Variants in CFAP65 observed in about 807,000 individuals in gnomAD.
CFAP65 encodes cilia and flagella associated protein 65.
A neutral mutation model predicts 208.0 loss-of-function variants in CFAP65; 155 were observed. That is an observed-to-expected ratio of 0.75 (90% confidence interval 0.65 to 0.85). CFAP65 has a LOEUF of 0.85. CFAP65 is among the 40% of genes least tolerant of loss of function. The probability of loss-of-function intolerance (pLI) is 0.00; values close to 1 mark genes in which losing one functional copy is unlikely to be tolerated. For missense variants in CFAP65, 2,294 were observed against 2,451.3 expected, an observed-to-expected ratio of 0.94 and a Z score of 1.36; for synonymous variants, 970 against 986.3, an observed-to-expected ratio of 0.98 and a Z score of 0.31.
Position 219,024,243 on chromosome 2 carries a change from G to A in CFAP65, c.2367C>T (p.Ser789=), listed in dbSNP as rs1462896687. The A allele has an allele frequency of 6.2e-7, 1 of 1,612,860 alleles. No individual in the cohort carries two copies. Among genetic ancestry groups the A allele is most frequent in the African/African-American group, 1.3e-5 (1 of 75,040 alleles). The change falls in exon 15 of 35, where the codon TCC becomes TCT. Residue 789 remains serine (S), a synonymous_variant. Transcript: ENST00000341552. ...LDVPKLFPAV[S]SGEPTYRSLL... is the part of the protein sequence containing the mutation. ...GGCTGCGGTAGGTGGGCTCACCGGA[G>A]GACACTGCTGGAAATAGCTGGGGGT...
At chr2:219,036,729 C>G (rs1366761304) in intron 4 of CFAP65, among the ~76,000 whole-genome samples, 1 of 152,206 alleles carries the variant, frequency 6.6e-6, no homozygotes, top group Non-Finnish European at 1.5e-5. Flanking sequence ...CAGGTGTGAG[C>G]CATCATGCCC....
Position 219,031,532 on chromosome 2 carries a change from C to A in CFAP65, c.772G>T (p.Val258Leu). 2 of 1,614,258 alleles carry A rather than the reference C, an allele frequency of 1.2e-6. No homozygotes were observed. Among genetic ancestry groups the A allele is most frequent in the Non-Finnish European group, 1.7e-6 (2 of 1,180,040 alleles). ...PPSLQLPMCA[V>L]GDTTEAFFCL... is the part of the protein sequence containing the mutation. ...AAAAAGGCCTCAGTCGTATCTCCCA[C>A]AGCACACATGGGCAGCTGCAGGGAT... Residue 258 changes from valine to leucine, a missense_variant, in exon 7 of 35, where the codon GTG becomes TTG. Physicochemically the swap from Val to Leu is conservative, Grantham distance 32. This residue lies in a region of CFAP65 where 867 missense variants were observed against 1,012.6 expected (regional missense o/e 0.86). Coordinates refer to ENST00000341552, the MANE Select transcript of CFAP65 (RefSeq NM_194302.4). The surrounding 1 kb of genome is among the most constrained non-coding windows in gnomAD (Gnocchi z 5.2).
In CFAP65 at chr2:219,009,185, A is replaced by G. The variant is rs754266884; in HGVS notation, c.4567-31T>C. The G allele has an allele frequency of 9.4e-6, 15 of 1,597,450 alleles. No individual in the cohort carries two copies. The South Asian group carries it at 1.5e-4, about 16-fold the overall frequency. On this transcript the variant is annotated intron_variant, in intron 28 of 34. Transcript: ENST00000341552. ...GCCCAGGACAGAGAGAGAGAAGGCC[A>G]AGGTCTGGAGCTTGCCCGGGGCCTA...
chr2:219,039,148 T>G, intron 2 of CFAP65, 98 bp from the exon 3 acceptor site: 5 of 999,574 alleles, frequency 5.0e-6, no homozygotes, highest in Non-Finnish European at 7.4e-6. Context: ...ATGTGGCACA[T>G]ATATTTGTAT....
chr2:219,034,459 C>T (rs1405513119), intron 5 of CFAP65: 2 of 151,924 alleles, frequency 1.3e-5, no homozygotes, highest in African/African-American at 4.8e-5. Context: ...TCTTAATGAC[C>T]TAGGGGTAGA....
At chr2:219,018,870 G>A (rs970937269) in intron 21 of CFAP65, 181 bp downstream of exon 21, 23 of 753,438 alleles carry the variant, frequency 3.1e-5, no homozygotes, top group Non-Finnish European at 4.5e-5. Context: ...CCGGTGACAG[G>A]CCCGGAGTCC....
At chr2:219,030,487 C>T (rs991277003) in intron 9 of CFAP65, among the ~76,000 whole-genome samples, 6 of 152,332 alleles carry the variant, frequency 3.9e-5, no homozygotes, top group East Asian at 1.9e-4. Context: ...TAGGGCTGCT[C>T]GTGGCTCTGG....
At position 219,031,142 on chromosome 2, in the gene CFAP65, T is replaced by C. The variant is rs1158805297; in HGVS notation, c.979A>G (p.Ser327Gly). 6.2e-7 allele frequency: 1 copy of C among 1,603,362 alleles called. No homozygotes were observed. The highest frequency in any genetic ancestry group is 1.7e-5 in the Admixed American group (1 of 58,366). ...VQATCWYGAG[S>G]RQRSSIQLQA... ...AGCTGGATGCTGCTCCTCTGCCGGC[T>C]GCCCGCCCCGTACCAGCACGTGGCC... Residue 327 changes from serine to glycine, a missense_variant, in exon 8 of 35, where the codon AGC (serine) becomes GGC (glycine). Physicochemically the swap from Ser to Gly is moderately conservative, Grantham distance 56. Coordinates refer to ENST00000341552, the MANE Select transcript of CFAP65 (RefSeq NM_194302.4). The surrounding 1 kb of genome is among the most constrained non-coding windows in gnomAD (Gnocchi z 5.2).
rs1948146114 is a variant in CFAP65 at position 219,032,984 on chromosome 2, C to A, written c.543-412G>T. Among the ~76,000 whole-genome samples the A allele has an allele frequency of 6.6e-6, 1 of 152,140 alleles. No homozygotes were observed. The highest frequency in any genetic ancestry group is 2.1e-4 in the South Asian group (1 of 4,824). On this transcript the variant is annotated intron_variant, in intron 5 of 34. Transcript: ENST00000341552. The surrounding 1 kb of genome is among the most constrained non-coding windows in gnomAD (Gnocchi z 5.5). ...TGTAGCATCCCACAGTGGGTCAGAA[C>A]CACAGCTGCTGCAGACTTTCAAAAC...
At position 219,023,331 on chromosome 2, in the gene CFAP65, C is replaced by T. The variant is rs928112204; in HGVS notation, c.2696G>A (p.Ser899Asn). The T allele has an allele frequency of 5.0e-6, 8 of 1,612,434 alleles. No homozygotes were observed. The highest frequency in any genetic ancestry group is 6.8e-6 in the Non-Finnish European group (8 of 1,179,542). The change falls in exon 16 of 35, where the codon AGC (serine) becomes AAC (asparagine). Residue 899 changes from serine to asparagine, a missense_variant. Transcript: ENST00000341552. ...KPTWVGCSST[S>N]PFTFRNPSRL... ...CGAGGGGTTGCGGAAGGTGAAGGGG[C>T]TGGTGGAGGAGCAGCCCACCCAGGT...
intron 14 of CFAP65, 50 bp from the exon 15 acceptor site, chr2:219,024,310 G>A (rs1479798913): frequency 1.3e-6 from 2 of 1,570,494 alleles, no homozygotes; most frequent in Non-Finnish European, 1.7e-6. Flanking sequence ...CCTCCACCCT[G>A]GGACACACAC....
intron 11 of CFAP65, 53 bp from the exon 12 acceptor site, chr2:219,028,454 G>T: frequency 1.4e-6 from 2 of 1,473,242 alleles, no homozygotes; most frequent in South Asian, 1.1e-5. Context: ...TAGGGCAAGG[G>T]GGGTGCTGGG....
chr2:219,032,359 G>A lies in CFAP65; in HGVS notation c.645+111C>T, dbSNP rs565746003. 1.3e-5 allele frequency: 11 copies of A among 850,532 alleles called. No individual in the cohort carries two copies. In the African/African-American group the frequency reaches 1.9e-4, roughly 14 times the overall value. The allele number at this position is 850,532 out of a possible 1,614,324, so 52.7% of individuals were successfully genotyped here. A position where few individuals can be genotyped will look rare whatever the true frequency, so the allele number is the denominator to read the frequency against. ...TCCCAAGCTGGATTGCTGCTGGAGC[G>A]GGCAGCATGTGTGTGTGCCGGGGCG... On this transcript the variant is annotated intron_variant, in intron 6 of 34. Transcript: ENST00000341552. The surrounding 1 kb of genome is among the most constrained non-coding windows in gnomAD (Gnocchi z 5.5).
intron 1 of CFAP65, 192 bp downstream of exon 1, chr2:219,041,296 C>G: frequency 3.8e-6 from 2 of 532,600 alleles, no homozygotes; most frequent in Non-Finnish European, 6.6e-6. Context: ...GCTGTTTCTT[C>G]TTTCTCTTCG....
rs1013759428 is a variant in CFAP65, at chr2:219,004,945, TTCTTTCTTTCTTTCTCTC to T, written c.5051+471_5051+488del. 1.3e-5 allele frequency among the ~76,000 whole-genome samples: 2 copies of T among 151,744 alleles called. No individual in the cohort carries two copies. Among genetic ancestry groups the T allele is most frequent in the African/African-American group, 2.4e-5 (1 of 41,192 alleles). ...TCTTTCTCTCCTCTTTTTTCTTTCT[TTCTTTCTTTCTTTCTCTC>T]TCTTTCTTTCTTTCTCTCTTTCTGT... On this transcript the variant is annotated intron_variant, in intron 32 of 34. Coordinates refer to ENST00000341552, the MANE Select transcript of CFAP65 (RefSeq NM_194302.4). This position sits in a 1 kb window ranked among gnomAD's most constrained non-coding sequence, Gnocchi z 4.7.
intron 16 of CFAP65, 119 bp downstream of exon 16, chr2:219,023,088 G>A (rs1947374315): frequency 1.3e-6 from 1 of 798,088 alleles, no homozygotes; most frequent in Non-Finnish European, 2.1e-6. Flanking sequence ...CGCCAGGTGG[G>A]GGAAGTTACT....
intron 4 of CFAP65, 26 bp from the exon 5 acceptor site, chr2:219,035,690 G>C: frequency 6.3e-7 from 1 of 1,591,166 alleles, no homozygotes; most frequent in South Asian, 1.1e-5. Context: ...GGAGAAGGGG[G>C]AGCAGAAAGG....
chr2:219,038,318 C>T, intron 4 of CFAP65, 57 bp downstream of exon 4: 1 of 1,546,708 alleles, frequency 6.5e-7, no homozygotes, highest in Non-Finnish European at 8.8e-7. Flanking sequence ...CCCTGCCACC[C>T]ATGCCCCGCC....
chr2:219,015,486 C>G (rs938831955), intron 21 of CFAP65: 1 of 152,218 alleles, frequency 6.6e-6, no homozygotes, highest in African/African-American at 2.4e-5. Context: ...AAGTCCAAAC[C>G]CTCAGAAGGA....
Sources: allele counts gnomAD v4.1 joint callset (sites outside exome capture counted in the v4.1 genomes callset), GRCh38; gene constraint gnomAD v4.1.1; regional missense constraint gnomAD v4.1.1; non-coding constraint Gnocchi (gnomAD v3.1); transcripts MANE v1.5; gene names NCBI Gene and HGNC (gene_info 2026-07-23, HGNC 2026-07-21).